The following KLF12 variants were observed in gnomAD, a reference collection of about 807,000 sequenced individuals.
The protein encoded by KLF12 is Krueppel-like factor 12.
KLF12 carries 9 observed loss-of-function variants against 37.8 expected under a neutral mutation model. The observed-to-expected ratio is 0.24, with a 90% confidence interval of 0.14 to 0.42. The LOEUF is 0.42. KLF12 is among the 10% of genes least tolerant of loss of function. The pLI, the probability that KLF12 is intolerant of heterozygous loss-of-function variation, is 1.00. For missense variants in KLF12, 411 were observed against 516.0 expected (o/e 0.80, Z 1.97); for synonymous variants, 208 against 202.1 (o/e 1.03, Z -0.25).
chr13:73,984,148 C>G (rs946990025), intron 2 of KLF12, among the ~76,000 whole-genome samples: 1 of 152,128 alleles, frequency 6.6e-6, no homozygotes, highest in Non-Finnish European at 1.5e-5. Context: ...AGAGAAGAGG[C>G]AAGGAAAGAC....
chr13:73,709,350 T>C (rs755074834), intron 7 of KLF12, among the ~76,000 whole-genome samples: 13 of 152,196 alleles, frequency 8.5e-5, no homozygotes, highest in Non-Finnish European at 1.9e-4. Flanking sequence ...ATAGCGTGCA[T>C]GGCTCTCGTA....
intron 2 of KLF12, among the ~76,000 whole-genome samples, chr13:73,956,858 G>C (rs533610388): frequency 6.6e-6 from 1 of 151,986 alleles, no homozygotes; most frequent in Non-Finnish European, 1.5e-5. Context: ...CTGGGAGGTC[G>C]AGGCTATGAC....
chr13:73,828,932 T>G (rs1191901569), intron 4 of KLF12, among the ~76,000 whole-genome samples: 1 of 152,194 alleles, frequency 6.6e-6, no homozygotes, highest in Admixed American at 6.5e-5. Flanking sequence ...TTTCCTCCAT[T>G]GTTACACAGA....
chr13:73,715,240 G>C (rs531328003), intron 7 of KLF12, 128 bp downstream of exon 7: 3 of 650,986 alleles, frequency 4.6e-6, no homozygotes, highest in Non-Finnish European at 7.6e-6. Flanking sequence ...AATACATTCC[G>C]CCTAGAAGGA....
chr13:73,858,398 T>C (rs1885723627), intron 3 of KLF12, among the ~76,000 whole-genome samples: 1 of 152,186 alleles, frequency 6.6e-6, no homozygotes. Context: ...CAGCTAAATA[T>C]AACTGATAAC....
At chr13:74,101,881 G>A (rs1388965252) in intron 1 of KLF12, among the ~76,000 whole-genome samples, 6 of 152,274 alleles carry the variant, frequency 3.9e-5, no homozygotes, top group South Asian at 2.1e-4. Context: ...ATTTGGCAAC[G>A]ATCACTGTGG....
chr13:74,099,624 T>C (rs759742517), intron 1 of KLF12, among the ~76,000 whole-genome samples: 8 of 152,182 alleles, frequency 5.3e-5, no homozygotes, highest in Non-Finnish European at 1.2e-4. Flanking sequence ...AGAGCAAAGA[T>C]GCTCCTAGGC....
chr13:73,731,536 C>CAAAAAAAAAA (rs66701744), intron 6 of KLF12, among the ~76,000 whole-genome samples: 26 of 103,470 alleles, frequency 2.5e-4, no homozygotes, highest in Middle Eastern at 7.6e-3. Context: ...GGAAATTAGA[C>CAAAAAAAAAA]AAAAAAAAAA....
chr13:73,695,787 C>CT, intron 7 of KLF12, 116 bp from the exon 8 acceptor site: 1 of 990,788 alleles, frequency 1.0e-6, no homozygotes, highest in South Asian at 1.6e-5. Context: ...GTTGGTAAAT[C>CT]TTTGTCGGGA....
the KLF12 span, among the ~76,000 whole-genome samples, chr13:74,161,029 T>C: frequency 3.3e-5 from 5 of 151,236 alleles, no homozygotes; most frequent in South Asian, 2.1e-4. Context: ...AGGATGGAGA[T>C]TGAGAACACG....
the KLF12 span, among the ~76,000 whole-genome samples, chr13:74,158,764 T>C: frequency 6.6e-6 from 1 of 152,096 alleles, no homozygotes; most frequent in Non-Finnish European, 1.5e-5. Flanking sequence ...TTAACATTAA[T>C]AGGGTGGGGT....
chr13:74,191,021 G>A, the KLF12 span, among the ~76,000 whole-genome samples: 3 of 152,184 alleles, frequency 2.0e-5, no homozygotes. Context: ...GCTACACATT[G>A]CTTTACACTC....
intron 1 of KLF12, among the ~76,000 whole-genome samples, chr13:74,039,354 A>C (rs1893342842): frequency 1.3e-5 from 2 of 152,094 alleles, no homozygotes; most frequent in African/African-American, 4.8e-5. Flanking sequence ...TGGGCAACAC[A>C]GCAAGACCCC....
intron 3 of KLF12, among the ~76,000 whole-genome samples, chr13:73,923,121 AT>A (rs200890009): frequency 5.3e-5 from 8 of 152,086 alleles, no homozygotes; most frequent in Non-Finnish European, 1.2e-4. Flanking sequence ...CAGTTCAAGT[AT>A]TTTTTTTATC....
intron 2 of KLF12, chr13:73,962,074 A>C: frequency 2.2e-6 from 1 of 449,288 alleles, no homozygotes; most frequent in Non-Finnish European, 4.4e-6. Flanking sequence ...GAAGCAATCA[A>C]AATGTCCTTC....
Position 73,769,614 on chromosome 13 carries a change from C to T in KLF12, c.807-4614G>A, listed in dbSNP as rs144656139. On this transcript the variant is annotated intron_variant, in intron 5 of 7. Coordinates refer to ENST00000377669, the MANE Select transcript of KLF12 (RefSeq NM_007249.5). ...CATGACCTTCCCATCCACATCATCA[C>T]GACTCCCAAATGTCTACCTCCAGCC... is the stretch of plus-strand genomic sequence containing the variant. Among the ~76,000 whole-genome samples the T allele has an allele frequency of 7.4e-3, 1,128 of 152,262 alleles. 14 individuals are homozygous for T. Among genetic ancestry groups the T allele is most frequent in the African/African-American group, 0.025 (1,058 of 41,536 alleles).
chr13:74,102,473 G>A (rs891336053), intron 1 of KLF12, among the ~76,000 whole-genome samples: 6 of 151,862 alleles, frequency 4.0e-5, no homozygotes, highest in South Asian at 2.1e-4. Flanking sequence ...TGAGGCGAGC[G>A]GATCACCTGA....
At chr13:74,040,086 T>C (rs1893360744) in intron 1 of KLF12, among the ~76,000 whole-genome samples, 1 of 152,214 alleles carries the variant, frequency 6.6e-6, no homozygotes. Context: ...TTCTTCAAAT[T>C]TTCCCTAATA....
In KLF12 at chr13:73,874,668, C is replaced by G. The variant is rs113809504; in HGVS notation, c.124-28295G>C. Among the ~76,000 whole-genome samples, 1,332 of 152,260 alleles carry G rather than the reference C, an allele frequency of 8.7e-3. 21 individuals carry two copies. The highest frequency in any genetic ancestry group is 0.03 in the African/African-American group (1,263 of 41,550). ...CACAAGTACATCCTATTATACCACC[C>G]TCCACCTTGGCAGATGGCTTACCTT... is the stretch of plus-strand genomic sequence containing the variant. On this transcript the variant is annotated intron_variant, in intron 3 of 7. Coordinates refer to ENST00000377669, the MANE Select transcript of KLF12 (RefSeq NM_007249.5).
Sources: allele counts gnomAD v4.1 joint callset (sites outside exome capture counted in the v4.1 genomes callset), GRCh38; gene constraint gnomAD v4.1.1; transcripts MANE v1.5; gene names NCBI Gene and HGNC (gene_info 2026-07-23, HGNC 2026-07-21).